HECTD4: variants seen among roughly 807,000 people sequenced by gnomAD.
HECTD4 encodes probable E3 ubiquitin-protein ligase HECTD4.
In HECTD4, 114 loss-of-function variants were observed where a neutral mutation model predicts 471.5. That is an observed-to-expected ratio of 0.24 (90% CI 0.21 to 0.28). The LOEUF is 0.28. Ranked by LOEUF, HECTD4 falls within the 10% of genes least tolerant of loss-of-function variation. HECTD4 has a pLI of 1.00. For synonymous variants in HECTD4, 2,012 were observed against 2,256.0 expected (o/e 0.89, Z 3.07); for missense variants, 3,866 against 5,651.5 (o/e 0.68, Z 10.13).
At chr12:112,367,307 AAAGAAAGAAAGAAAG>A (rs1282294860) in intron 1 of HECTD4, among the ~76,000 whole-genome samples, 9 of 10,700 alleles carry the variant, frequency 8.4e-4, no homozygotes, top group South Asian at 2.0e-3. Context: ...TCAAAAAAAA[AAAGAAAGAAAGAAAG>A]AAAGAAAGAA....
chr12:112,224,358 C>T lies in HECTD4; in HGVS notation c.6970+2285G>A, dbSNP rs183730152. Among the ~76,000 whole-genome samples, 1,507 of 151,840 alleles carry T rather than the reference C, an allele frequency of 9.9e-3. 25 individuals are homozygous for T. The highest frequency in any genetic ancestry group is 0.035 in the African/African-American group (1,429 of 41,386). On this transcript the variant is annotated intron_variant, in intron 44 of 75. Coordinates refer to ENST00000682272, the MANE Select transcript of HECTD4 (RefSeq NM_001388303.1). ...TCGGCTCACTGCAAGCTCCACCTCC[C>T]GGGGTTCACGCCATTCTCCTGCCTC...
chr12:112,251,334 A>G lies in HECTD4; in HGVS notation c.3553-200T>C, dbSNP rs151264026. Among the ~76,000 whole-genome samples, 357 of 152,356 alleles carry G rather than the reference A, an allele frequency of 2.3e-3. 1 individual carries two copies. Among genetic ancestry groups the G allele is most frequent in the African/African-American group, 7.9e-3 (329 of 41,590 alleles). On this transcript the variant is annotated intron_variant, in intron 23 of 75. Coordinates refer to ENST00000682272, the MANE Select transcript of HECTD4 (RefSeq NM_001388303.1). ...AATGACCAGAGTGAAGTCTCAACAC[A>G]TTTCTGGAGAGAAAATAGTTGATCA...
chr12:112,310,207 C>T (rs2035346188), intron 4 of HECTD4, among the ~76,000 whole-genome samples: 1 of 152,154 alleles, frequency 6.6e-6, no homozygotes. Context: ...TACATCTATA[C>T]TGCTCTCTGA....
intron 25 of HECTD4, among the ~76,000 whole-genome samples, chr12:112,249,069 A>G (rs73207626): frequency 0.025 from 3,735 of 152,334 alleles, 67 homozygotes; most frequent in Non-Finnish European, 0.039. Flanking sequence ...GATAAAGCTG[A>G]AAATCAAGAG....
At chr12:112,221,054 T>TG (rs1449123929) in intron 44 of HECTD4, among the ~76,000 whole-genome samples, 1 of 152,044 alleles carries the variant, frequency 6.6e-6, no homozygotes. Flanking sequence ...CAGGCTCAAG[T>TG]GATCCTCCCA....
chr12:112,185,535 C>T (rs2031830381), intron 60 of HECTD4, 42 bp from the exon 61 acceptor site: 3 of 1,434,324 alleles, frequency 2.1e-6, no homozygotes, highest in Middle Eastern at 3.7e-4. Flanking sequence ...CTATGCAGCA[C>T]TGGCTATGTT....
At chr12:112,216,977 C>T (rs2032934194) in intron 46 of HECTD4, 56 bp from the exon 47 acceptor site, 3 of 1,596,006 alleles carry the variant, frequency 1.9e-6, no homozygotes, top group Admixed American at 3.4e-5. Context: ...GGCCTGAGAC[C>T]TGCTTTTTCT....
chr12:112,207,971 T>C lies in HECTD4; in HGVS notation c.8034A>G (p.Ala2678=), dbSNP rs748722538. ...TGGTAGGAAAAACCTTGGTCTCCCA[T>C]GCTTTCACCAGCAGGGCGTAGTGGT... ...QEDHYALLVK[A]WETKVFPTIR... Residue 2678 remains alanine, a synonymous_variant, in exon 52 of 76, where the codon GCA becomes GCG. Coordinates refer to ENST00000682272, the MANE Select transcript of HECTD4 (RefSeq NM_001388303.1). 1.1e-5 allele frequency: 18 copies of C among 1,613,732 alleles called. No homozygotes were observed. Among genetic ancestry groups the C allele is most frequent in the African/African-American group, 1.3e-5 (1 of 75,046 alleles).
At chr12:112,348,182 T>C (rs1334250674) in intron 1 of HECTD4, among the ~76,000 whole-genome samples, 1 of 152,148 alleles carries the variant, frequency 6.6e-6, no homozygotes, top group African/African-American at 2.4e-5. Flanking sequence ...TATTAAGAAA[T>C]AAACTAGATT....
intron 39 of HECTD4, 120 bp from the exon 40 acceptor site, chr12:112,230,942 C>A: frequency 1.1e-6 from 1 of 876,988 alleles, no homozygotes; most frequent in Non-Finnish European, 1.7e-6. Context: ...AAAGTGGATT[C>A]CATTGACCGA....
chr12:112,182,437 C>A (rs765385814), intron 62 of HECTD4, among the ~76,000 whole-genome samples: 1 of 149,402 alleles, frequency 6.7e-6, no homozygotes, highest in East Asian at 1.9e-4. Context: ...CACAAAAGAG[C>A]CACCAGAATG....
chr12:112,272,621 A>C (rs2034440081), intron 11 of HECTD4, among the ~76,000 whole-genome samples: 1 of 152,218 alleles, frequency 6.6e-6, no homozygotes, highest in South Asian at 2.1e-4. Flanking sequence ...TTGTGTGAGT[A>C]GCTTAGGCTG....
chr12:112,329,936 A>AC (rs1431215599), intron 1 of HECTD4, among the ~76,000 whole-genome samples: 1 of 151,948 alleles, frequency 6.6e-6, no homozygotes, highest in African/African-American at 2.4e-5. Context: ...ACATAGTGAG[A>AC]CCCCATCTCT....
chr12:112,204,577 C>G lies in HECTD4; in HGVS notation c.8178G>C (p.Glu2726Asp). Reference sequence around the variant, plus strand: ...AAAGGTCTCTTGGGATGCCACCATTCTCTTCGTAGAGAAATTCAACCGTCT... The same window carrying G: ...AAAGGTCTCTTGGGATGCCACCATTGTCTTCGTAGAGAAATTCAACCGTCT... ...ARQTVEFLYE[E>D]NGGIPRDLYL... Residue 2726 changes from glutamate to aspartate, a missense_variant, in exon 53 of 76, where the codon GAG becomes GAC. This residue lies in a region of HECTD4 where 266 missense variants were observed against 441.6 expected (regional missense o/e 0.60). Transcript: ENST00000682272. 1 of 1,613,120 alleles carries G rather than the reference C, an allele frequency of 6.2e-7. No homozygotes were observed. The highest frequency in any genetic ancestry group is 1.3e-5 in the African/African-American group (1 of 75,020).
chr12:112,276,131 C>T (rs2034522158), intron 9 of HECTD4, among the ~76,000 whole-genome samples: 1 of 152,196 alleles, frequency 6.6e-6, no homozygotes, highest in African/African-American at 2.4e-5. Context: ...TAAAGGCAAG[C>T]ACCAATTCTT....
chr12:112,214,790 A>G (rs1439570997), intron 48 of HECTD4, among the ~76,000 whole-genome samples: 1 of 152,172 alleles, frequency 6.6e-6, no homozygotes, highest in Non-Finnish European at 1.5e-5. Flanking sequence ...TTGTGAAGTA[A>G]GAGAAAAATT....
At chr12:112,313,322 CT>C (rs1056905949) in intron 3 of HECTD4, among the ~76,000 whole-genome samples, 175 bp from the exon 4 acceptor site, 22 of 147,516 alleles carry the variant, frequency 1.5e-4, no homozygotes, top group South Asian at 2.2e-4. Context: ...ATTTATGTTT[CT>C]TTTTTTTTTG....
Position 112,200,647 on chromosome 12 carries a change from T to G in HECTD4, c.8558A>C (p.Gln2853Pro). Reference protein sequence around the residue: ...GLVTLDNTNLQIHRELLRCEA... With the variant: ...GLVTLDNTNLPIHRELLRCEA... ...AAGGGCCCAATTGTACCTGTGAATTTGAAGGTTGGTATTGTCCAGTGTGAC... is the reference window on the plus strand; with the variant it reads ...AAGGGCCCAATTGTACCTGTGAATTGGAAGGTTGGTATTGTCCAGTGTGAC... The change falls in exon 55 of 76, where the codon CAA becomes CCA. Residue 2853 changes from glutamine (Q) to proline (P), a missense_variant. Physicochemically the swap from Gln to Pro is moderately conservative, Grantham distance 76 (BLOSUM62 -1). Around this residue, in one of 16 missense-constraint regions of HECTD4, gnomAD observed 266 missense variants for 441.6 expected, o/e 0.60. Coordinates refer to ENST00000682272, the MANE Select transcript of HECTD4 (RefSeq NM_001388303.1). 6.2e-7 allele frequency: 1 copy of G among 1,610,222 alleles called. No individual in the cohort carries two copies. The highest frequency in any genetic ancestry group is 1.7e-5 in the Admixed American group (1 of 59,350).
intron 1 of HECTD4, among the ~76,000 whole-genome samples, chr12:112,364,068 T>C (rs184987154): frequency 1.5e-4 from 23 of 150,192 alleles, no homozygotes; most frequent in Admixed American, 1.1e-3. Context: ...ATTAAAAATA[T>C]TAATAATATT....
Sources: gnomAD v4.1 joint callset for allele counts (sites outside exome capture counted in the v4.1 genomes callset) on GRCh38, gnomAD v4.1.1 for gene constraint, gnomAD v4.1.1 regional missense constraint, MANE v1.5 for transcripts, NCBI Gene and HGNC (gene_info 2026-07-23, HGNC 2026-07-21) for gene names.